Variants in TTN observed in about 807,000 individuals in gnomAD.
The protein encoded by TTN is titin.
In TTN, 1,525 loss-of-function variants were observed where a neutral mutation model predicts 3,223.0. That is an observed-to-expected ratio of 0.47 (90% CI 0.45 to 0.49). The LOEUF (loss-of-function observed/expected upper bound fraction) is 0.49, where lower values mean the gene tolerates loss of function less well. Among genes scored for constraint, TTN ranks in the 20% least tolerant of loss-of-function variants. The pLI is 0.00. For synonymous variants in TTN, 14,094 were observed against 15,161.0 expected (o/e 0.93, Z 5.17); for missense variants, 40,786 against 43,424.0 (o/e 0.94, Z 5.40).
In TTN at chr2:178,726,017, T is replaced by C. The variant is rs1212523290; in HGVS notation, c.20305A>G (p.Ile6769Val). The C allele has an allele frequency of 1.2e-5, 19 of 1,551,652 alleles. No individual in the cohort carries two copies. Among genetic ancestry groups the C allele is most frequent in the East Asian group, 4.6e-5 (2 of 43,074 alleles). Residue 6769 changes from isoleucine (I) to valine (V), a missense_variant, in exon 70 of 363, where the codon ATA becomes GTA. Ile to Val is a conservative substitution (Grantham distance 29). Coordinates refer to ENST00000589042, the MANE Select transcript of TTN (RefSeq NM_001267550.2). ...EPPVFSSFPP[I>V]VETLKNAEVS... ...TCAGCATTTTTAAGGGTTTCTACTA[T>C]AGGAGGGAAGCTGCTAAAAACAGGT...
intron 143 of TTN, 54 bp downstream of exon 143, chr2:178,678,693 T>C (rs981876499): frequency 7.2e-6 from 11 of 1,523,890 alleles, no homozygotes; most frequent in Non-Finnish European, 9.9e-6. Context: ...CAATTAATTT[T>C]TACCCATATG....
rs1001393566 is a variant in TTN at position 178,531,481 on chromosome 2, T to A, written c.105134A>T (p.Asp35045Val). The A allele has an allele frequency of 6.8e-6, 11 of 1,613,820 alleles. No individual in the cohort carries two copies. Among genetic ancestry groups the A allele is most frequent in the African/African-American group, 1.3e-5 (1 of 74,938 alleles). Residue 35045 changes from aspartate to valine, a missense_variant, in exon 358 of 363, where the codon GAT becomes GTT. By Grantham distance (152) the Asp-to-Val change is radical. Transcript: ENST00000589042. ...DYTTYASQRR[D>V]EEVPRSVFPE... is the part of the protein sequence containing the mutation. ...GAAAACAGATCTGGGGACCTCTTCA[T>A]CTCTGCGTTGGGAAGCATAGGTGGT...
Position 178,647,477 on chromosome 2 carries a change from G to A in TTN, c.40058-13C>T. 1 of 1,548,986 alleles carries A rather than the reference G, an allele frequency of 6.5e-7. No homozygotes were observed. The highest frequency in any genetic ancestry group is 1.4e-5 in the African/African-American group (1 of 73,044). The stretch of plus-strand genomic sequence containing the variant: ...GGCACTTTGGGCACTTTAAAGATAT[G>A]ATTTTGTTTACTATTAAGAATTTAG... On this transcript the variant is annotated splice_polypyrimidine_tract_variant and intron_variant, in intron 213 of 362. Coordinates refer to ENST00000589042, the MANE Select transcript of TTN (RefSeq NM_001267550.2).
chr2:178,576,503 C>G lies in TTN; in HGVS notation c.69715+26G>C, dbSNP rs150291258. ...TAAAATATTGGCACTCTGGAATGAA[C>G]GGTGTTGAAAAAGACAAATACTAAC... On this transcript the variant is annotated intron_variant, in intron 325 of 362. Transcript: ENST00000589042. The surrounding 1 kb of genome is among the most constrained non-coding windows in gnomAD (Gnocchi z 4.3). 52 of 1,607,732 alleles carry G rather than the reference C, an allele frequency of 3.2e-5. No individual in the cohort carries two copies. The African/African-American group carries it at 5.6e-4, about 17-fold the overall frequency.
intron 21 of TTN, 128 bp from the exon 22 acceptor site, chr2:178,780,333 T>C (rs1294109425): frequency 1.3e-6 from 1 of 765,238 alleles, no homozygotes; most frequent in East Asian, 2.7e-5. Context: ...AAATATCTAC[T>C]ATTGAAGTGC....
chr2:178,538,679 C>G lies in TTN; in HGVS notation c.99150G>C (p.Lys33050Asn). ...TGAATTGCTTGTCCTTAATACGTTC[C>G]TTATTGCTCTTCTTCCAGGCACTGT... ...SGDSAWKKSN[K>N]ERIKDKQFTI... The change falls in exon 354 of 363, where the codon AAG (lysine) becomes AAC (asparagine). Residue 33050 changes from lysine to asparagine, a missense_variant. By Grantham distance (94) the Lys-to-Asn change is moderately conservative. Transcript: ENST00000589042. The G allele has an allele frequency of 1.9e-6, 3 of 1,613,702 alleles. No homozygotes were observed. Among genetic ancestry groups the G allele is most frequent in the Non-Finnish European group, 2.5e-6 (3 of 1,179,734 alleles).
At chr2:178,739,026 C>T in intron 48 of TTN, 115 bp downstream of exon 48, 1 of 1,299,654 alleles carries the variant, frequency 7.7e-7, no homozygotes, top group East Asian at 2.6e-5. Flanking sequence ...CATTCTTACT[C>T]TAAATAAATT....
At chr2:178,678,019 A>T in intron 145 of TTN, 102 bp from the exon 146 acceptor site, 3 of 1,551,628 alleles carry the variant, frequency 1.9e-6, no homozygotes, top group Non-Finnish European at 2.6e-6. Flanking sequence ...ATCACAAAGC[A>T]TCAATTATTA....
chr2:178,584,566 T>C lies in TTN; in HGVS notation c.64985A>G (p.Glu21662Gly). The C allele has an allele frequency of 6.2e-7, 1 of 1,612,128 alleles. No homozygotes were observed. Among genetic ancestry groups the C allele is most frequent in the South Asian group, 1.1e-5 (1 of 90,920 alleles). Reference sequence around the variant, plus strand: ...TTTGGTGACTCGTGCATTCTTTGGTTCACTAGGAACACCTGGAGATGAAGA... The same window carrying C: ...TTTGGTGACTCGTGCATTCTTTGGTCCACTAGGAACACCTGGAGATGAAGA... The part of the protein sequence containing the change: ...VAQFPFGVPS[E>G]PKNARVTKVN... The change falls in exon 311 of 363, where the codon GAA becomes GGA. Residue 21662 changes from glutamate to glycine, a missense_variant. Transcript: ENST00000589042.
chr2:178,703,982 T>G (rs1207831877), intron 106 of TTN, among the ~76,000 whole-genome samples, 165 bp downstream of exon 106: 2 of 152,342 alleles, frequency 1.3e-5, no homozygotes, highest in African/African-American at 4.8e-5. Context: ...ATTTCCCTTG[T>G]GCTTTTGTAT....
rs1454205746 is a variant in TTN, at chr2:178,663,528, T to A, written c.36533-12A>T. On this transcript the variant is annotated splice_polypyrimidine_tract_variant and intron_variant, in intron 171 of 362. Coordinates refer to ENST00000589042, the MANE Select transcript of TTN (RefSeq NM_001267550.2). Reference sequence around the variant, plus strand: ...GGGAGCCTCAGGCACTTGAAAGATATTAGTGAAATTACATTTAGGCATTAT... The same window carrying A: ...GGGAGCCTCAGGCACTTGAAAGATAATAGTGAAATTACATTTAGGCATTAT... 4.3e-6 allele frequency: 7 copies of A among 1,613,416 alleles called. No individual in the cohort carries two copies. Among genetic ancestry groups the A allele is most frequent in the Non-Finnish European group, 5.1e-6 (6 of 1,179,678 alleles).
At chr2:178,559,258 A>G (rs943520712) in intron 326 of TTN, 53 bp downstream of exon 326, 34 of 1,480,914 alleles carry the variant, frequency 2.3e-5, no homozygotes, top group Non-Finnish European at 3.1e-5. Flanking sequence ...GACTCACACT[A>G]TTCTAGCAAA....
In TTN at chr2:178,768,769, G is replaced by A. The variant is rs763992518; in HGVS notation, c.9067C>T (p.His3023Tyr). 5.6e-6 allele frequency: 9 copies of A among 1,614,110 alleles called. No individual in the cohort carries two copies. In the Admixed American group the frequency reaches 1.5e-4, roughly 27 times the overall value. Residue 3023 changes from histidine to tyrosine, a missense_variant, in exon 38 of 363, where the codon CAC becomes TAC. Coordinates refer to ENST00000589042, the MANE Select transcript of TTN (RefSeq NM_001267550.2). The part of the protein sequence containing the change: ...KCQMRTKKLT[H>Y]SLNIRNVHFG... ...TGAACATTCCTGATGTTCAGTGAGT[G>A]TGTGAGCTTTTTGGTTCTCATCTGG...
rs1417730601 is a variant in TTN, at chr2:178,604,894, G to A, written c.54195C>T (p.Arg18065=). 6.2e-7 allele frequency: 1 copy of A among 1,611,170 alleles called. No individual in the cohort carries two copies. Among genetic ancestry groups the A allele is most frequent in the South Asian group, 1.1e-5 (1 of 90,734 alleles). The change falls in exon 281 of 363, where the codon CGC becomes CGT. Residue 18065 remains arginine (R), a synonymous_variant. Transcript: ENST00000589042. ...CAGCAAGATTTCTTGGTGGGGATGG[G>A]CGGTCTGGAAAGGAATCAACAGAGA... The part of the protein sequence containing the change: ...FRNVHVEVYD[R]PSPPRNLAVT...
In TTN at chr2:178,604,056, G is replaced by T. The variant is rs727504192; in HGVS notation, c.54631C>A (p.Pro18211Thr). Residue 18211 changes from proline (P) to threonine (T), a missense_variant, in exon 282 of 363, where the codon CCT (proline) becomes ACT (threonine). Physicochemically the swap from Pro to Thr is conservative, Grantham distance 38. Coordinates refer to ENST00000589042, the MANE Select transcript of TTN (RefSeq NM_001267550.2). ...YWLEKREEGSPYWSRVSRAPI... is the reference protein window; with the variant it reads ...YWLEKREEGSTYWSRVSRAPI... ...GCTCGGCTAACACGTGACCAATAAG[G>T]ACTTCCCTCTTCTCTTTTCTCCAGC... The T allele has an allele frequency of 2.0e-4, 329 of 1,612,770 alleles. No individual in the cohort carries two copies. Among genetic ancestry groups the T allele is most frequent in the Non-Finnish European group, 2.6e-4 (301 of 1,179,200 alleles).
chr2:178,593,273 T>C lies in TTN; in HGVS notation c.58935A>G (p.Leu19645=). ...CCCGGAATTCATACTGACATCCTTC[T>C]AGAAGATCAGGAACCCTAAATTTAG... ...PYTKFRVPDL[L]EGCQYEFRVS... is the part of the protein sequence containing the mutation. Residue 19645 remains leucine, a synonymous_variant, in exon 299 of 363, where the codon CTA becomes CTG. Coordinates refer to ENST00000589042, the MANE Select transcript of TTN (RefSeq NM_001267550.2). 1 of 1,613,462 alleles carries C rather than the reference T, an allele frequency of 6.2e-7. No individual in the cohort carries two copies. The highest frequency in any genetic ancestry group is 8.5e-7 in the Non-Finnish European group (1 of 1,179,594).
In TTN at chr2:178,757,631, T is replaced by C; in HGVS notation, c.10589A>G (p.Tyr3530Cys). The C allele has an allele frequency of 1.9e-6, 3 of 1,613,728 alleles. No individual in the cohort carries two copies. The highest frequency in any genetic ancestry group is 2.5e-6 in the Non-Finnish European group (3 of 1,179,714). Residue 3530 changes from tyrosine to cysteine, a missense_variant, in exon 45 of 363, where the codon TAC becomes TGC. Tyr to Cys is a radical substitution (Grantham distance 194). Transcript: ENST00000589042. ...GMALMLIVDAYSEHAGQYSCK... is the reference protein window; with the variant it reads ...GMALMLIVDACSEHAGQYSCK... ...AGAGTACTGCCCAGCATGCTCTGAG[T>C]AAGCATCAACTATAAGCATTAAAGC...
rs1472640798 is a variant in TTN at position 178,684,963 on chromosome 2, G to A, written c.32497C>T (p.Pro10833Ser). 1.9e-6 allele frequency: 3 copies of A among 1,607,352 alleles called. No individual in the cohort carries two copies. The highest frequency in any genetic ancestry group is 1.7e-5 in the Admixed American group (1 of 59,346). The change falls in exon 130 of 363, where the codon CCA becomes TCA. Residue 10833 changes from proline to serine, a missense_variant. Pro to Ser is a moderately conservative substitution (Grantham distance 74, BLOSUM62 -1). Transcript: ENST00000589042. ...KVPEAPKKIV[P>S]EKKVPAPVPK... is the part of the protein sequence containing the mutation. ...ACTGGAGCAGGAACTTTCTTTTCTG[G>A]CACAATTTTCTTAGGTGCTTCAGGA... is the stretch of plus-strand genomic sequence containing the variant.
chr2:178,712,630 A>G (rs1464969107), intron 94 of TTN, 37 bp from the exon 95 acceptor site: 1 of 1,606,826 alleles, frequency 6.2e-7, no homozygotes, highest in South Asian at 1.1e-5. Flanking sequence ...AATCAAACAC[A>G]TATACATACA....
Sources: gnomAD v4.1 joint callset for allele counts (sites outside exome capture counted in the v4.1 genomes callset) on GRCh38, gnomAD v4.1.1 for gene constraint, Gnocchi (gnomAD v3.1) non-coding constraint, MANE v1.5 for transcripts, NCBI Gene and HGNC (gene_info 2026-07-23, HGNC 2026-07-21) for gene names.